The following MAN1A1 variants were observed in gnomAD, a reference collection of about 807,000 sequenced individuals.
MAN1A1 encodes the protein mannosyl-oligosaccharide 1,2-alpha-mannosidase IA.
A neutral mutation model predicts 70.8 loss-of-function variants in MAN1A1; 29 were observed. That is an observed-to-expected ratio of 0.41 (90% CI 0.31 to 0.56). MAN1A1 has a LOEUF of 0.56. Ranked by LOEUF, MAN1A1 falls within the 20% of genes least tolerant of loss-of-function variation. MAN1A1 has a pLI of 0.29. For synonymous variants in MAN1A1, 349 were observed against 330.1 expected (o/e 1.06, Z -0.62); for missense variants, 747 against 841.3 (o/e 0.89, Z 1.39).
chr6:119,279,212 G>A (rs938530738), intron 5 of MAN1A1, among the ~76,000 whole-genome samples: 3 of 151,938 alleles, frequency 2.0e-5, no homozygotes, highest in East Asian at 1.9e-4. Flanking sequence ...CTACTCCTAC[G>A]CTACTTCAGC....
chr6:119,248,027 T>A (rs1171998058), intron 6 of MAN1A1, among the ~76,000 whole-genome samples: 1 of 152,204 alleles, frequency 6.6e-6, no homozygotes, highest in Non-Finnish European at 1.5e-5. Context: ...TCCAATCGTG[T>A]CTGGCCTGAA....
At chr6:119,312,176 C>G (rs1772727253) in intron 2 of MAN1A1, among the ~76,000 whole-genome samples, 1 of 152,128 alleles carries the variant, frequency 6.6e-6, no homozygotes, top group Admixed American at 6.5e-5. Flanking sequence ...GAAGAGCAAT[C>G]TAACTCACTG....
At chr6:119,189,989 G>C (rs1773399282) in intron 9 of MAN1A1, 106 bp from the exon 10 acceptor site, 3 of 871,560 alleles carry the variant, frequency 3.4e-6, no homozygotes, top group Non-Finnish European at 5.2e-6. Context: ...CTGACAATCA[G>C]AGTTTGGTGT....
chr6:119,234,552 T>C (rs889602081), intron 6 of MAN1A1, among the ~76,000 whole-genome samples: 16 of 152,090 alleles, frequency 1.1e-4, no homozygotes, highest in African/African-American at 3.6e-4. Context: ...TAGCTGAGAC[T>C]ACAGGCATGT....
intron 4 of MAN1A1, among the ~76,000 whole-genome samples, chr6:119,298,568 C>CT (rs1772288414): frequency 6.7e-6 from 1 of 150,232 alleles, no homozygotes; most frequent in Non-Finnish European, 1.5e-5. Flanking sequence ...TTTATTTTCC[C>CT]TTTGCAATAA....
intron 5 of MAN1A1, among the ~76,000 whole-genome samples, chr6:119,266,176 C>G (rs750223565): frequency 1.3e-5 from 2 of 152,128 alleles, no homozygotes; most frequent in Non-Finnish European, 2.9e-5. Flanking sequence ...GTCAGTTCTT[C>G]CCAACTTGGA....
At chr6:119,183,974 T>C (rs1773220552) in intron 11 of MAN1A1, among the ~76,000 whole-genome samples, 2 of 151,840 alleles carry the variant, frequency 1.3e-5, no homozygotes, top group South Asian at 4.2e-4. Flanking sequence ...GCCCAGTCAC[T>C]TTGCTTTTGA....
rs1194578914 is a variant in MAN1A1 at position 119,260,768 on chromosome 6, C to T, written c.898-12414G>A. On this transcript the variant is annotated intron_variant, in intron 5 of 12. Coordinates refer to ENST00000368468, the MANE Select transcript of MAN1A1 (RefSeq NM_005907.4). The stretch of plus-strand genomic sequence containing the variant: ...TATAAACAACTCAATGAAACAATGC[C>T]CTGCCTTAATAACGATCATCATCAG... Among the ~76,000 whole-genome samples, 3 of 152,000 alleles carry T rather than the reference C, an allele frequency of 2.0e-5. No individual in the cohort carries two copies. The East Asian group carries it at 5.8e-4, about 29-fold the overall frequency.
At chr6:119,239,882 T>C (rs993506460) in intron 6 of MAN1A1, among the ~76,000 whole-genome samples, 2 of 152,210 alleles carry the variant, frequency 1.3e-5, no homozygotes, top group Non-Finnish European at 2.9e-5. Context: ...ACAGCATAAA[T>C]TTCAAATTGC....
chr6:119,196,696 CAAAG>C (rs930224487), intron 8 of MAN1A1, among the ~76,000 whole-genome samples: 5 of 152,114 alleles, frequency 3.3e-5, no homozygotes, highest in Non-Finnish European at 7.4e-5. Context: ...AGAATCAAGA[CAAAG>C]AAGAATTAAA....
chr6:119,303,473 T>A (rs890140087), intron 3 of MAN1A1, among the ~76,000 whole-genome samples: 4 of 152,224 alleles, frequency 2.6e-5, no homozygotes, highest in African/African-American at 9.6e-5. Flanking sequence ...TCTCAAGATG[T>A]AACCTTGAAA....
At chr6:119,283,151 G>A (rs758093213) in intron 5 of MAN1A1, among the ~76,000 whole-genome samples, 52 of 152,290 alleles carry the variant, frequency 3.4e-4, no homozygotes, top group Middle Eastern at 3.4e-3. Flanking sequence ...GCTATTTGTG[G>A]TTAGAGATCA....
intron 11 of MAN1A1, among the ~76,000 whole-genome samples, chr6:119,186,804 G>A (rs905328391): frequency 6.6e-6 from 1 of 152,146 alleles, no homozygotes; most frequent in Non-Finnish European, 1.5e-5. Flanking sequence ...AAAACGTGCG[G>A]CCATGCCTTC....
chr6:119,183,435 G>C (rs1164334795), intron 11 of MAN1A1, among the ~76,000 whole-genome samples: 2 of 151,218 alleles, frequency 1.3e-5, no homozygotes, highest in African/African-American at 2.4e-5. Context: ...TCAAATACCA[G>C]ATATGTAGAA....
intron 8 of MAN1A1, among the ~76,000 whole-genome samples, chr6:119,194,862 C>G (rs1027628591): frequency 6.7e-6 from 1 of 148,992 alleles, no homozygotes; most frequent in African/African-American, 2.5e-5. Flanking sequence ...GAGACGGAGT[C>G]TTGCTCTGTC....
chr6:119,282,791 C>T (rs1776257074), intron 5 of MAN1A1, among the ~76,000 whole-genome samples: 1 of 152,024 alleles, frequency 6.6e-6, no homozygotes, highest in Non-Finnish European at 1.5e-5. Flanking sequence ...CAATCAGTAT[C>T]ACCTGATAAA....
chr6:119,185,159 A>G (rs1236678233), intron 11 of MAN1A1, among the ~76,000 whole-genome samples: 1 of 152,168 alleles, frequency 6.6e-6, no homozygotes, highest in African/African-American at 2.4e-5. Flanking sequence ...ACATGCTGGG[A>G]TTACAGGCTT....
At chr6:119,299,645 C>T (rs986019573) in intron 4 of MAN1A1, among the ~76,000 whole-genome samples, 6 of 152,080 alleles carry the variant, frequency 3.9e-5, no homozygotes, top group Non-Finnish European at 8.8e-5. Flanking sequence ...AGCAATAACT[C>T]AATGTTAGTC....
chr6:119,214,941 T>A (rs1255640306), intron 6 of MAN1A1, among the ~76,000 whole-genome samples: 1 of 35,192 alleles, frequency 2.8e-5, no homozygotes, highest in African/African-American at 9.5e-5. Flanking sequence ...AATGCTAAAA[T>A]AAAAAGAATA....
Sources: allele counts gnomAD v4.1 joint callset (sites outside exome capture counted in the v4.1 genomes callset), GRCh38; gene constraint gnomAD v4.1.1; transcripts MANE v1.5; gene names NCBI Gene and HGNC (gene_info 2026-07-23, HGNC 2026-07-21).